The following TCP11L1 variants were observed in gnomAD, a reference collection of about 807,000 sequenced individuals.
The protein encoded by TCP11L1 is T-complex protein 11-like protein 1.
A neutral mutation model predicts 48.9 loss-of-function variants in TCP11L1; 28 were observed. The ratio of observed to expected loss-of-function variants is 0.57; its 90% CI spans 0.42 to 0.78. The LOEUF is 0.78. TCP11L1 is among the 30% of genes least tolerant of loss of function. The pLI, the probability that TCP11L1 is intolerant of heterozygous loss-of-function variation, is 0.00. For missense variants in TCP11L1, 505 were observed against 613.4 expected, an observed-to-expected ratio of 0.82 and a Z score of 1.87; for synonymous variants, 204 against 231.9, an observed-to-expected ratio of 0.88 and a Z score of 1.09.
At chr11:33,050,483 T>G (rs1854127111) in intron 2 of TCP11L1, among the ~76,000 whole-genome samples, 1 of 152,130 alleles carries the variant, frequency 6.6e-6, no homozygotes, top group Non-Finnish European at 1.5e-5. Flanking sequence ...ATAACAGAAA[T>G]AATTTAAAAA....
chr11:33,067,167 C>G (rs888088219), intron 8 of TCP11L1, among the ~76,000 whole-genome samples: 1 of 152,142 alleles, frequency 6.6e-6, no homozygotes, highest in African/African-American at 2.4e-5. Flanking sequence ...CATTTTCTTA[C>G]CCAGCACGAG....
intron 8 of TCP11L1, 127 bp from the exon 9 acceptor site, chr11:33,068,560 T>G: frequency 1.7e-6 from 2 of 1,163,662 alleles, no homozygotes; most frequent in Non-Finnish European, 2.5e-6. Context: ...GGGAAAAGAG[T>G]CTCAAATTGT....
At chr11:33,069,849 C>T (rs1282441721) in intron 9 of TCP11L1, among the ~76,000 whole-genome samples, 1 of 152,064 alleles carries the variant, frequency 6.6e-6, no homozygotes, top group Non-Finnish European at 1.5e-5. Context: ...TCAAGTGATC[C>T]GCCTGCCTCA....
In TCP11L1 at chr11:33,057,176, C is replaced by T; in HGVS notation, c.358C>T (p.Leu120=). ...KAFWDCLSVQ[L]SEDPPAYDHA... The stretch of plus-strand genomic sequence containing the variant: ...GTTTTGGGATTGCTTGAGTGTGCAG[C>T]TAAGTGAAGATCCCCCAGCATATGA... Residue 120 remains leucine (L), a synonymous_variant, in exon 4 of 10, where the codon CTA becomes TTA. Coordinates refer to ENST00000334274, the MANE Select transcript of TCP11L1 (RefSeq NM_018393.4). 6.2e-7 allele frequency: 1 copy of T among 1,613,914 alleles called. No individual in the cohort carries two copies. The highest frequency in any genetic ancestry group is 8.5e-7 in the Non-Finnish European group (1 of 1,179,988).
At position 33,054,720 on chromosome 11, in the gene TCP11L1, A is replaced by G. The variant is rs1215331529; in HGVS notation, c.291A>G (p.Glu97=). 1 of 1,612,506 alleles carries G rather than the reference A, an allele frequency of 6.2e-7. No homozygotes were observed. Among genetic ancestry groups the G allele is most frequent in the Non-Finnish European group, 8.5e-7 (1 of 1,179,474 alleles). The change falls in exon 3 of 10, where the codon GAA becomes GAG. Residue 97 remains glutamate (E), a synonymous_variant. Coordinates refer to ENST00000334274, the MANE Select transcript of TCP11L1 (RefSeq NM_018393.4). The stretch of plus-strand genomic sequence containing the variant: ...AGATTAAACCAGTTGAATTACCAGA[A>G]AACAGGTAAGGTGGTTGCTAAATTA... ...DFQIKPVELP[E]NSLKKRVKEI...
At chr11:33,043,390 T>G (rs898035498) in intron 1 of TCP11L1, among the ~76,000 whole-genome samples, 11 of 152,336 alleles carry the variant, frequency 7.2e-5, no homozygotes, top group African/African-American at 2.6e-4. Context: ...GGAATGAAAG[T>G]AAAGAATTTA....
chr11:33,045,964 G>T (rs190476000), intron 2 of TCP11L1, among the ~76,000 whole-genome samples: 15 of 152,322 alleles, frequency 9.8e-5, no homozygotes, highest in Non-Finnish European at 1.6e-4. Context: ...GAGATAATGG[G>T]AAACATGTTC....
rs747924697 is a variant in TCP11L1, at chr11:33,072,462, T to G, written c.1328-12T>G. 6 of 1,613,974 alleles carry G rather than the reference T, an allele frequency of 3.7e-6. No individual in the cohort carries two copies. The highest frequency in any genetic ancestry group is 5.1e-6 in the Non-Finnish European group (6 of 1,179,968). Reference sequence around the variant, plus strand: ...GACAAGAAACAACTGACCACTTTCTTTTTTGTCACAGAATCTCGAATCCTG... The same window carrying G: ...GACAAGAAACAACTGACCACTTTCTGTTTTGTCACAGAATCTCGAATCCTG... On this transcript the variant is annotated splice_polypyrimidine_tract_variant and intron_variant, in intron 9 of 9. Transcript: ENST00000334274.
chr11:33,053,425 G>A (rs1211861302), intron 2 of TCP11L1, among the ~76,000 whole-genome samples: 1 of 152,042 alleles, frequency 6.6e-6, no homozygotes, highest in Non-Finnish European at 1.5e-5. Context: ...GATTACAGGT[G>A]TGAGCCTTGC....
intron 1 of TCP11L1, chr11:33,040,314 TTTAA>T (rs1462765973): frequency 2.0e-5 from 3 of 152,182 alleles, no homozygotes; most frequent in Non-Finnish European, 4.4e-5. Flanking sequence ...CCTAGAGCCC[TTTAA>T]TTAGAGTTAC....
intron 2 of TCP11L1, among the ~76,000 whole-genome samples, chr11:33,046,959 A>G (rs1226711528): frequency 7.3e-6 from 1 of 136,768 alleles, no homozygotes; most frequent in Non-Finnish European, 1.7e-5. Context: ...GCATTGGCTC[A>G]TGCCTATAAG....
Position 33,061,723 on chromosome 11 carries a change from C to T in TCP11L1, c.969C>T (p.Pro323=), listed in dbSNP as rs373544105. The change falls in exon 7 of 10, where the codon CCC becomes CCT. Residue 323 remains proline, a synonymous_variant. Coordinates refer to ENST00000334274, the MANE Select transcript of TCP11L1 (RefSeq NM_018393.4). ...LKWDHLQRPF[P]ETVLMDQSRF... ...GGGACCACCTCCAGAGGCCGTTCCC[C>T]GAAGTAGGTCTCCTGAGCCATCTCA... The T allele has an allele frequency of 1.1e-5, 18 of 1,592,484 alleles. No homozygotes were observed. Among genetic ancestry groups the T allele is most frequent in the South Asian group, 1.0e-4 (9 of 87,878 alleles).
In TCP11L1 at chr11:33,054,741, A is replaced by T. The variant is rs771983569; in HGVS notation, c.296+16A>T. The T allele has an allele frequency of 2.5e-6, 4 of 1,609,342 alleles. No homozygotes were observed. In the South Asian group the frequency reaches 3.3e-5, roughly 13 times the overall value. On this transcript the variant is annotated intron_variant, in intron 3 of 9. Coordinates refer to ENST00000334274, the MANE Select transcript of TCP11L1 (RefSeq NM_018393.4). ...CAGAAAACAGGTAAGGTGGTTGCTA[A>T]ATTATCTTGCTTAGTAGAACACTGT...
chr11:33,041,475 G>A (rs1044662287), intron 1 of TCP11L1, among the ~76,000 whole-genome samples: 2 of 152,214 alleles, frequency 1.3e-5, no homozygotes, highest in Non-Finnish European at 2.9e-5. Context: ...CCTGGGCCAG[G>A]TGCAGTGGCT....
chr11:33,040,026 C>G (rs762304345), intron 1 of TCP11L1: 6 of 152,312 alleles, frequency 3.9e-5, no homozygotes, highest in Non-Finnish European at 7.3e-5. Context: ...GCCTGAACAG[C>G]TGTTTACAAC....
At chr11:33,055,213 T>G (rs1854276916) in intron 3 of TCP11L1, among the ~76,000 whole-genome samples, 1 of 152,226 alleles carries the variant, frequency 6.6e-6, no homozygotes, top group Non-Finnish European at 1.5e-5. Context: ...TCTGAGAGAT[T>G]AAAATATTGG....
At chr11:33,041,636 A>C (rs1455756485) in intron 1 of TCP11L1, among the ~76,000 whole-genome samples, 1 of 152,124 alleles carries the variant, frequency 6.6e-6, no homozygotes, top group Admixed American at 6.5e-5. Flanking sequence ...CTATAATCCC[A>C]GCTACTGGGG....
In TCP11L1 at chr11:33,068,672, C is replaced by A. The variant is rs1221236252; in HGVS notation, c.1155-15C>A. On this transcript the variant is annotated splice_polypyrimidine_tract_variant and intron_variant, in intron 8 of 9. Coordinates refer to ENST00000334274, the MANE Select transcript of TCP11L1 (RefSeq NM_018393.4). ...TATTTTACTTATAGGCCCTTTCTCC[C>A]CTCCTCTGCCCCAGCTCCTTCCATC... The A allele has an allele frequency of 1.2e-6, 2 of 1,611,208 alleles. No individual in the cohort carries two copies. Among genetic ancestry groups the A allele is most frequent in the Non-Finnish European group, 1.7e-6 (2 of 1,177,862 alleles).
chr11:33,051,935 C>T (rs1344143138), intron 2 of TCP11L1, among the ~76,000 whole-genome samples: 4 of 152,044 alleles, frequency 2.6e-5, no homozygotes, highest in Admixed American at 2.6e-4. Context: ...TTTGGCTTTT[C>T]GAGGTCTTTT....
Sources: allele counts gnomAD v4.1 joint callset (sites outside exome capture counted in the v4.1 genomes callset), GRCh38; gene constraint gnomAD v4.1.1; transcripts MANE v1.5; gene names NCBI Gene and HGNC (gene_info 2026-07-23, HGNC 2026-07-21).